FAM184A: variants seen among roughly 807,000 people sequenced by gnomAD.
The protein encoded by FAM184A is protein FAM184A.
Under a neutral mutation model 143.8 loss-of-function variants are expected in FAM184A, and 99 were observed. That is an observed-to-expected ratio of 0.69 (90% CI 0.58 to 0.81). FAM184A has a LOEUF of 0.81. Among genes scored for constraint, FAM184A ranks in the 40% least tolerant of loss-of-function variants. FAM184A has a pLI of 0.00. For missense variants in FAM184A, 1,217 were observed against 1,310.5 expected (o/e 0.93, Z 1.10); for synonymous variants, 427 against 446.4 (o/e 0.96, Z 0.55).
intron 1 of FAM184A, among the ~76,000 whole-genome samples, chr6:119,127,558 C>T (rs1182297206): frequency 6.6e-6 from 1 of 152,200 alleles, no homozygotes; most frequent in Non-Finnish European, 1.5e-5. Context: ...AAACATGCCC[C>T]TGCCACTATC....
chr6:119,036,659 C>A (rs1441273916), intron 1 of FAM184A, among the ~76,000 whole-genome samples: 1 of 152,052 alleles, frequency 6.6e-6, no homozygotes, highest in Non-Finnish European at 1.5e-5. Context: ...ACTTCAACAA[C>A]AACAAAAATC....
intron 15 of FAM184A, among the ~76,000 whole-genome samples, chr6:118,965,510 G>A (rs1371244648): frequency 6.6e-6 from 1 of 152,190 alleles, no homozygotes; most frequent in Non-Finnish European, 1.5e-5. Flanking sequence ...TGAGTAAGCA[G>A]AATGTGGGAA....
intron 16 of FAM184A, chr6:118,962,185 A>C: frequency 1.8e-6 from 1 of 546,986 alleles, no homozygotes; most frequent in Admixed American, 3.1e-5. Flanking sequence ...CAGGGCAGAA[A>C]GAATGAGGAA....
intron 1 of FAM184A, among the ~76,000 whole-genome samples, chr6:119,097,031 G>C (rs1175682002): frequency 1.3e-5 from 2 of 152,106 alleles, no homozygotes; most frequent in Non-Finnish European, 2.9e-5. Context: ...GGAATTCCCA[G>C]AGTAGAAAGT....
intron 1 of FAM184A, among the ~76,000 whole-genome samples, chr6:119,043,558 T>C (rs1361479505): frequency 6.6e-6 from 1 of 151,312 alleles, no homozygotes; most frequent in African/African-American, 2.5e-5. Flanking sequence ...ACTACCCAGA[T>C]CCTTCTCATC....
At chr6:119,125,312 T>C (rs1378337673) in intron 1 of FAM184A, among the ~76,000 whole-genome samples, 1 of 152,220 alleles carries the variant, frequency 6.6e-6, no homozygotes, top group African/African-American at 2.4e-5. Context: ...AGTCTTGCTC[T>C]GTCACCCAGG....
chr6:119,087,895 C>T (rs994000712), intron 1 of FAM184A, among the ~76,000 whole-genome samples: 4 of 152,156 alleles, frequency 2.6e-5, no homozygotes. Context: ...GTGGTATATA[C>T]AACAGAATGT....
chr6:118,972,144 C>G (rs950738566), intron 14 of FAM184A, among the ~76,000 whole-genome samples: 1 of 152,230 alleles, frequency 6.6e-6, no homozygotes, highest in African/African-American at 2.4e-5. Flanking sequence ...CAGATCCAAG[C>G]AGGCTGCATT....
At position 118,994,737 on chromosome 6, in the gene FAM184A, A is replaced by ATAAATAGC. The variant is rs1171147943; in HGVS notation, c.2088+8161_2088+8162insGCTATTTA. Among the ~76,000 whole-genome samples, 75 of 134,650 alleles carry ATAAATAGC rather than the reference A, an allele frequency of 5.6e-4. 3 individuals are homozygous for ATAAATAGC. The highest frequency in any genetic ancestry group is 6.9e-4 in the African/African-American group (26 of 37,784). The allele number at this position is 134,650 out of a possible 152,430, so 88.3% of individuals were successfully genotyped here. ...AATAAATAAATAAATAAATAAATAAAAAGCCAGAGGGTTATCATCACACAA... is the reference window on the plus strand; with the variant it reads ...AATAAATAAATAAATAAATAAATAAATAAATAGCAAGCCAGAGGGTTATCATCACACAA... On this transcript the variant is annotated intron_variant, in intron 9 of 17. Transcript: ENST00000338891.
intron 4 of FAM184A, among the ~76,000 whole-genome samples, chr6:119,017,970 T>C (rs1463045708): frequency 1.3e-5 from 2 of 152,192 alleles, no homozygotes; most frequent in Non-Finnish European, 2.9e-5. Flanking sequence ...TCCAGCATGA[T>C]TGTAAGCTTC....
intron 1 of FAM184A, among the ~76,000 whole-genome samples, chr6:119,101,585 T>C (rs989162406): frequency 6.6e-6 from 1 of 152,200 alleles, no homozygotes; most frequent in African/African-American, 2.4e-5. Flanking sequence ...TTGTCTTCTA[T>C]AATCGCGCAA....
At chr6:119,124,533 CCTT>C (rs1273232898) in intron 1 of FAM184A, among the ~76,000 whole-genome samples, 1 of 152,014 alleles carries the variant, frequency 6.6e-6, no homozygotes, top group African/African-American at 2.4e-5. Flanking sequence ...GGTGTAAAAG[CCTT>C]CTCATACTCT....
At chr6:119,023,647 G>GC (rs1785531157) in intron 2 of FAM184A, among the ~76,000 whole-genome samples, 1 of 136,664 alleles carries the variant, frequency 7.3e-6, no homozygotes, top group African/African-American at 2.7e-5. Context: ...TCCTGCCTGG[G>GC]CCCCCCAAAG....
intron 1 of FAM184A, among the ~76,000 whole-genome samples, chr6:119,106,289 G>A (rs1788779942): frequency 7.6e-6 from 1 of 130,946 alleles, no homozygotes; most frequent in African/African-American, 2.9e-5. Flanking sequence ...CTACTCAGGA[G>A]GCTGAGACGG....
chr6:119,086,855 A>G (rs1788236825), intron 1 of FAM184A, among the ~76,000 whole-genome samples: 2 of 152,352 alleles, frequency 1.3e-5, no homozygotes, highest in South Asian at 4.1e-4. Flanking sequence ...TATTGCACTT[A>G]TTCTGGTGAG....
chr6:118,981,353 A>G (rs1419430564), intron 9 of FAM184A, among the ~76,000 whole-genome samples: 7 of 152,230 alleles, frequency 4.6e-5, no homozygotes, highest in Admixed American at 4.6e-4. Flanking sequence ...TAGGAGAACC[A>G]GATACAAAGT....
chr6:118,972,488 G>A (rs947662235), intron 14 of FAM184A, among the ~76,000 whole-genome samples: 10 of 152,100 alleles, frequency 6.6e-5, no homozygotes, highest in Non-Finnish European at 1.2e-4. Context: ...TAAGTTTCTG[G>A]TGAAAAAAGA....
chr6:119,078,260 C>G lies in FAM184A; in HGVS notation c.40G>C (p.Gly14Arg), dbSNP rs1787951546. The change falls in exon 1 of 18, where the codon GGC becomes CGC. Residue 14 changes from glycine (G) to arginine (R), a missense_variant. Transcript: ENST00000338891. The surrounding 1 kb of genome is among the most constrained non-coding windows in gnomAD (Gnocchi z 5.5). ...PGMSWQQHYY[G>R]GSAAKFAPSP... ...GGCGCGAATTTGGCCGCCGAGCCGC[C>G]GTAATAGTGCTGCTGCCAGCTCATG... The G allele has an allele frequency of 6.5e-7, 1 of 1,534,366 alleles. No individual in the cohort carries two copies. The highest frequency in any genetic ancestry group is 8.7e-7 in the Non-Finnish European group (1 of 1,144,402).
intron 1 of FAM184A, among the ~76,000 whole-genome samples, chr6:119,125,835 C>G (rs985358743): frequency 6.6e-6 from 1 of 152,188 alleles, no homozygotes; most frequent in African/African-American, 2.4e-5. Flanking sequence ...AAGTGGAGGA[C>G]TTCCTGGTAG....
Sources: gnomAD v4.1 joint callset for allele counts (sites outside exome capture counted in the v4.1 genomes callset) on GRCh38, gnomAD v4.1.1 for gene constraint, Gnocchi (gnomAD v3.1) non-coding constraint, MANE v1.5 for transcripts, NCBI Gene and HGNC (gene_info 2026-07-23, HGNC 2026-07-21) for gene names.